The following TAFA4 variants were observed in gnomAD, a reference collection of about 807,000 sequenced individuals.
TAFA4 encodes TAFA chemokine like family member 4.
TAFA4 carries 20 observed loss-of-function variants against 21.1 expected under a neutral mutation model. The observed-to-expected ratio is 0.95, with a 90% CI of 0.67 to 1.38. The LOEUF is 1.38. TAFA4 is among the 40% of genes most tolerant of loss of function. The pLI, the probability that TAFA4 is intolerant of heterozygous loss-of-function variation, is 0.00. For missense variants in TAFA4, 211 were observed against 180.9 expected, an observed-to-expected ratio of 1.17 and a Z score of -0.95; for synonymous variants, 71 against 67.4, an observed-to-expected ratio of 1.05 and a Z score of -0.26.
intron 1 of TAFA4, among the ~76,000 whole-genome samples, chr3:68,898,600 C>T (rs976636531): frequency 2.6e-5 from 4 of 152,146 alleles, no homozygotes; most frequent in Admixed American, 6.5e-5. Flanking sequence ...GAGCCAAGAT[C>T]GTGCCACTGC....
At chr3:68,749,235 C>A (rs971901194) in intron 4 of TAFA4, among the ~76,000 whole-genome samples, 1 of 152,166 alleles carries the variant, frequency 6.6e-6, no homozygotes, top group Admixed American at 6.5e-5. Context: ...ATAATATAAT[C>A]TATGGTTTTA....
At position 68,732,143 on chromosome 3, in the gene TAFA4, C is replaced by CCAAT. The variant is rs1253735254; in HGVS notation, c.*995_*998dup. On this transcript the variant is annotated 3_prime_UTR_variant, in exon 6 of 6. Coordinates refer to ENST00000295569, the MANE Select transcript of TAFA4 (RefSeq NM_182522.5). ...ACATGTCTGCTGCAAAATCATTAAG[C>CCAAT]CAATCAGGACTCAGATTTTAAAGAA... 3 of 152,482 alleles carry CCAAT rather than the reference C, an allele frequency of 2.0e-5. No individual in the cohort carries two copies. The highest frequency in any genetic ancestry group is 4.4e-5 in the Non-Finnish European group (3 of 68,010). The allele number at this position is 152,482 out of a possible 1,614,324, so 9.4% of individuals were successfully genotyped here. A position where few individuals can be genotyped will look rare whatever the true frequency, so the allele number is the denominator to read the frequency against.
At chr3:68,811,870 T>C (rs1575619433) in intron 3 of TAFA4, among the ~76,000 whole-genome samples, 1 of 151,978 alleles carries the variant, frequency 6.6e-6, no homozygotes, top group Admixed American at 6.6e-5. Context: ...GACACACAAT[T>C]GTCAGATTCA....
intron 3 of TAFA4, among the ~76,000 whole-genome samples, chr3:68,757,880 T>C (rs1465142814): frequency 6.6e-6 from 1 of 152,246 alleles, no homozygotes; most frequent in Non-Finnish European, 1.5e-5. Flanking sequence ...TCACAACTGA[T>C]GGCATCTTAG....
At chr3:68,847,300 C>T (rs1814019) in intron 3 of TAFA4, among the ~76,000 whole-genome samples, 47,956 of 152,142 alleles carry the variant, frequency 0.32, 7,971 homozygotes, top group Non-Finnish European at 0.37. Flanking sequence ...AACATCCAGG[C>T]CACTTTGTTT....
intron 3 of TAFA4, among the ~76,000 whole-genome samples, chr3:68,826,690 G>A (rs1704247681): frequency 2.0e-5 from 3 of 151,992 alleles, no homozygotes; most frequent in Admixed American, 6.6e-5. Context: ...AGGCAGAAAG[G>A]ATTATCTGGC....
chr3:68,771,168 T>C (rs1285922752), intron 3 of TAFA4, among the ~76,000 whole-genome samples: 1 of 152,122 alleles, frequency 6.6e-6, no homozygotes, highest in Non-Finnish European at 1.5e-5. Context: ...CAATAAAACC[T>C]TGCACTCATC....
intron 3 of TAFA4, among the ~76,000 whole-genome samples, chr3:68,761,704 G>C (rs1702758053): frequency 6.6e-6 from 1 of 152,184 alleles, no homozygotes; most frequent in African/African-American, 2.4e-5. Context: ...TATTTTAAAA[G>C]ATTCTACTGT....
chr3:68,868,518 C>T (rs559510544), intron 3 of TAFA4, among the ~76,000 whole-genome samples: 2 of 151,940 alleles, frequency 1.3e-5, no homozygotes, highest in East Asian at 3.9e-4. Flanking sequence ...CAAGTCTCAA[C>T]AAATTCAAAA....
intron 3 of TAFA4, among the ~76,000 whole-genome samples, chr3:68,873,337 T>TACACACACACACAC (rs34998311): frequency 0.029 from 3,820 of 133,426 alleles, 130 homozygotes; most frequent in East Asian, 0.07. Flanking sequence ...CACGCAGACA[T>TACACACACACACAC]ACACACACAC....
intron 3 of TAFA4, among the ~76,000 whole-genome samples, chr3:68,769,052 A>C (rs1559514961): frequency 6.6e-6 from 1 of 152,232 alleles, no homozygotes; most frequent in Non-Finnish European, 1.5e-5. Flanking sequence ...CGAGCCATAA[A>C]CAGGTACCAG....
chr3:68,746,326 A>G (rs1182074269), intron 4 of TAFA4, among the ~76,000 whole-genome samples: 2 of 150,686 alleles, frequency 1.3e-5, no homozygotes, highest in East Asian at 3.9e-4. Flanking sequence ...CTTCATATAT[A>G]CATCTATCTC....
intron 3 of TAFA4, among the ~76,000 whole-genome samples, chr3:68,763,213 T>C (rs1458588101): frequency 2.0e-5 from 3 of 152,096 alleles, no homozygotes; most frequent in Admixed American, 1.3e-4. Flanking sequence ...TTTAGGAAAA[T>C]TGGTGAAGCT....
chr3:68,794,187 G>C (rs1703414112), intron 3 of TAFA4, among the ~76,000 whole-genome samples: 1 of 152,122 alleles, frequency 6.6e-6, no homozygotes, highest in Admixed American at 6.5e-5. Context: ...ATGTTTTAAG[G>C]AGTCACTGTC....
At chr3:68,906,739 T>G (rs538457616) in intron 1 of TAFA4, among the ~76,000 whole-genome samples, 1 of 152,102 alleles carries the variant, frequency 6.6e-6, no homozygotes, top group African/African-American at 2.4e-5. Context: ...CAGAACTCAC[T>G]GTCATCTGGG....
At chr3:68,834,920 G>A (rs114215776) in intron 3 of TAFA4, among the ~76,000 whole-genome samples, 1,710 of 152,190 alleles carry the variant, frequency 0.011, 29 homozygotes, top group African/African-American at 0.039. Context: ...GCCCTCCTAT[G>A]TAAAGTGTAG....
At chr3:68,858,073 A>C (rs1388485243) in intron 3 of TAFA4, among the ~76,000 whole-genome samples, 2 of 152,094 alleles carry the variant, frequency 1.3e-5, no homozygotes, top group Admixed American at 6.6e-5. Context: ...GATGCCACTC[A>C]CTTCAGCAAT....
chr3:68,873,399 C>T (rs932304382), intron 3 of TAFA4, among the ~76,000 whole-genome samples: 1 of 147,198 alleles, frequency 6.8e-6, no homozygotes, highest in African/African-American at 2.5e-5. Flanking sequence ...AAAATGCTGA[C>T]CTAGCCATTC....
At chr3:68,765,792 T>G (rs1702842266) in intron 3 of TAFA4, among the ~76,000 whole-genome samples, 1 of 152,006 alleles carries the variant, frequency 6.6e-6, no homozygotes, top group South Asian at 2.1e-4. Context: ...GGAAAGCAGG[T>G]GGATTAGGAG....
Sources: gnomAD v4.1 joint callset for allele counts (sites outside exome capture counted in the v4.1 genomes callset) on GRCh38, gnomAD v4.1.1 for gene constraint, MANE v1.5 for transcripts, NCBI Gene and HGNC (gene_info 2026-07-23, HGNC 2026-07-21) for gene names.